MAGI2: variants seen among roughly 807,000 people sequenced by gnomAD.
MAGI2 encodes membrane associated guanylate kinase, WW and PDZ domain containing 2.
Under a neutral mutation model 133.3 loss-of-function variants are expected in MAGI2, and 35 were observed. That is an observed-to-expected ratio of 0.26 (90% CI 0.20 to 0.35). MAGI2 has a LOEUF of 0.35. MAGI2 is among the 10% of genes least tolerant of loss of function. The pLI, the probability that MAGI2 is intolerant of heterozygous loss-of-function variation, is 1.00. For missense variants in MAGI2, 1,636 were observed against 1,863.4 expected, an observed-to-expected ratio of 0.88 and a Z score of 2.25; for synonymous variants, 729 against 710.6, an observed-to-expected ratio of 1.03 and a Z score of -0.41.
chr7:78,370,359 T>C (rs1793795622), intron 6 of MAGI2, among the ~76,000 whole-genome samples: 1 of 152,042 alleles, frequency 6.6e-6, no homozygotes, highest in Non-Finnish European at 1.5e-5. Context: ...AATATCATTT[T>C]CAAGGTGGCA....
chr7:79,298,708 A>T (rs1837142066), intron 1 of MAGI2, among the ~76,000 whole-genome samples: 1 of 152,136 alleles, frequency 6.6e-6, no homozygotes, highest in Non-Finnish European at 1.5e-5. Flanking sequence ...GTATCTTATA[A>T]TGTGACCGTA....
At chr7:78,358,679 G>T in intron 7 of MAGI2, 1 of 215,090 alleles carries the variant, frequency 4.6e-6, no homozygotes. Flanking sequence ...TGCCTCCTTG[G>T]GGTGCCTGGC....
chr7:78,715,545 ATAAACT>A (rs1245505109), intron 2 of MAGI2, among the ~76,000 whole-genome samples: 4 of 152,206 alleles, frequency 2.6e-5, no homozygotes, highest in Admixed American at 1.3e-4. Context: ...CCCAATTTAA[ATAAACT>A]TTAACTTCCA....
At chr7:78,665,599 C>T (rs1322902114) in intron 2 of MAGI2, among the ~76,000 whole-genome samples, 1 of 152,098 alleles carries the variant, frequency 6.6e-6, no homozygotes, top group Non-Finnish European at 1.5e-5. Flanking sequence ...GAAAACTATG[C>T]TGTTTGGCTT....
chr7:78,074,454 A>G (rs1056203714), intron 21 of MAGI2, among the ~76,000 whole-genome samples: 3 of 152,166 alleles, frequency 2.0e-5, no homozygotes, highest in Non-Finnish European at 4.4e-5. Context: ...AATCATAGGG[A>G]TATCAAAAGG....
rs143129302 is a variant in MAGI2 at position 78,181,635 on chromosome 7, A to G, written c.2312-3533T>C. On this transcript the variant is annotated intron_variant, in intron 13 of 21. Coordinates refer to ENST00000354212, the MANE Select transcript of MAGI2 (RefSeq NM_012301.4). ...ATCCTCAGGCATTATGGAACAAAGC[A>G]TCTCATGATCCTCTTCCTAGATGGA... 1.2e-3 allele frequency among the ~76,000 whole-genome samples: 176 copies of G among 152,334 alleles called. 2 individuals carry two copies. The South Asian group carries it at 0.014, about 12-fold the overall frequency.
At chr7:78,600,081 C>T (rs1357556200) in intron 3 of MAGI2, among the ~76,000 whole-genome samples, 1 of 151,988 alleles carries the variant, frequency 6.6e-6, no homozygotes, top group Admixed American at 6.6e-5. Context: ...TCTTAAAAAC[C>T]AATAAAATTG....
At chr7:79,182,782 C>T (rs1321255233) in intron 1 of MAGI2, among the ~76,000 whole-genome samples, 6 of 151,764 alleles carry the variant, frequency 4.0e-5, no homozygotes. Flanking sequence ...AAATCAATAT[C>T]AATTTAAATG....
At chr7:78,921,399 C>G (rs1029585068) in intron 2 of MAGI2, among the ~76,000 whole-genome samples, 14 of 152,120 alleles carry the variant, frequency 9.2e-5, no homozygotes, top group African/African-American at 3.4e-4. Context: ...CCCTCCCGCC[C>G]CCTAATAGAT....
Position 78,019,913 on chromosome 7 carries a change from G to T in MAGI2, c.3770C>A (p.Ser1257Tyr), listed in dbSNP as rs1227001776. The T allele has an allele frequency of 6.2e-7, 1 of 1,610,594 alleles. No individual in the cohort carries two copies. The highest frequency in any genetic ancestry group is 1.7e-4 in the Middle Eastern group (1 of 6,056). Residue 1257 changes from serine to tyrosine, a missense_variant, in exon 22 of 22, where the codon TCC becomes TAC. By Grantham distance (144) the Ser-to-Tyr change is moderately radical. Around this residue, in one of 5 missense-constraint regions of MAGI2, gnomAD observed 354 missense variants for 298.7 expected, o/e 1.19. Transcript: ENST00000354212. ...AAPGLPEVGV[S>Y]LDDGLAPFSP... ...GAATGGAGCGAGGCCGTCGTCCAGG[G>T]AGACGCCTACTTCCGGCAGACCTGG...
intron 1 of MAGI2, among the ~76,000 whole-genome samples, chr7:79,226,746 T>C (rs1391229473): frequency 6.6e-6 from 1 of 152,122 alleles, no homozygotes; most frequent in Non-Finnish European, 1.5e-5. Context: ...TCCTAGCTCA[T>C]AGTATTATAG....
intron 2 of MAGI2, among the ~76,000 whole-genome samples, chr7:78,859,402 T>G (rs516964): frequency 0.95 from 142,445 of 150,616 alleles, 67,771 homozygotes; most frequent in Non-Finnish European, 1. Flanking sequence ...CATGTTTAGT[T>G]CTTCCTTCAG....
intron 21 of MAGI2, among the ~76,000 whole-genome samples, chr7:78,038,028 A>T (rs1810414627): frequency 6.6e-6 from 1 of 152,108 alleles, no homozygotes; most frequent in East Asian, 1.9e-4. Flanking sequence ...CTCTCTTCCC[A>T]CCTTGTCCCA....
At chr7:78,267,790 ATAACC>A (rs938682401) in intron 9 of MAGI2, among the ~76,000 whole-genome samples, 4 of 152,198 alleles carry the variant, frequency 2.6e-5, no homozygotes, top group African/African-American at 9.6e-5. Context: ...AAGGGGATGA[ATAACC>A]TAGCCTAGGG....
At chr7:78,957,466 C>A (rs1182257031) in intron 2 of MAGI2, among the ~76,000 whole-genome samples, 2 of 151,770 alleles carry the variant, frequency 1.3e-5, no homozygotes, top group Non-Finnish European at 2.9e-5. Context: ...ACTAATAATT[C>A]AGACTGATAA....
rs111386449 is a variant in MAGI2, at chr7:78,996,435, C to T, written c.418+10655G>A. On this transcript the variant is annotated intron_variant, in intron 2 of 21. Coordinates refer to ENST00000354212, the MANE Select transcript of MAGI2 (RefSeq NM_012301.4). ...GAAAAGCAAATACCACGTGTTCTCA[C>T]TTATAAGTGGGAACTAAATGGTGAG... Among the ~76,000 whole-genome samples the T allele has an allele frequency of 8.2e-3, 1,247 of 152,186 alleles. 5 individuals are homozygous for T. The highest frequency in any genetic ancestry group is 0.017 in the Middle Eastern group (5 of 294).
At chr7:78,638,232 T>C (rs1436076304) in intron 2 of MAGI2, among the ~76,000 whole-genome samples, 2 of 152,292 alleles carry the variant, frequency 1.3e-5, no homozygotes, top group Admixed American at 6.5e-5. Context: ...CTACAGTAAA[T>C]GACCAGATTT....
intron 2 of MAGI2, among the ~76,000 whole-genome samples, chr7:78,855,150 A>G (rs1452154152): frequency 1.3e-5 from 2 of 152,130 alleles, no homozygotes; most frequent in African/African-American, 2.4e-5. Context: ...GCTGAAGTGC[A>G]GAGGTGGAAT....
intron 3 of MAGI2, among the ~76,000 whole-genome samples, chr7:78,547,677 TACG>T (rs1473014772): frequency 3.3e-5 from 5 of 152,202 alleles, no homozygotes; most frequent in Admixed American, 6.5e-5. Flanking sequence ...TCACTCAGAT[TACG>T]ACAATTTAAA....
Sources: gnomAD v4.1 joint callset for allele counts (sites outside exome capture counted in the v4.1 genomes callset) on GRCh38, gnomAD v4.1.1 for gene constraint, gnomAD v4.1.1 regional missense constraint, MANE v1.5 for transcripts, NCBI Gene and HGNC (gene_info 2026-07-23, HGNC 2026-07-21) for gene names.